The following APBA1 variants were observed in gnomAD, a reference collection of about 807,000 sequenced individuals.
APBA1 encodes amyloid-beta A4 precursor protein-binding family A member 1.
APBA1 carries 55 observed loss-of-function variants against 86.6 expected under a neutral mutation model. The ratio of observed to expected loss-of-function variants is 0.64; its 90% CI spans 0.51 to 0.80. APBA1 has a LOEUF of 0.80. Among genes scored for constraint, APBA1 ranks in the 30% least tolerant of loss-of-function variants. The pLI, the probability that APBA1 is intolerant of heterozygous loss-of-function variation, is 0.00. For synonymous variants in APBA1, 511 were observed against 493.9 expected (o/e 1.03, Z -0.46); for missense variants, 1,090 against 1,183.0 (o/e 0.92, Z 1.15).
intron 1 of APBA1, among the ~76,000 whole-genome samples, chr9:69,523,893 A>T (rs1247356624): frequency 6.6e-6 from 1 of 152,156 alleles, no homozygotes; most frequent in Non-Finnish European, 1.5e-5. Context: ...ATATTCTTGG[A>T]TCACAATGGA....
At chr9:69,514,380 TAGG>T (rs1310092199) in intron 2 of APBA1, among the ~76,000 whole-genome samples, 1 of 151,520 alleles carries the variant, frequency 6.6e-6, no homozygotes, top group Admixed American at 6.6e-5. Context: ...CACCTGAGGT[TAGG>T]AGTTCAAGCC....
intron 10 of APBA1, among the ~76,000 whole-genome samples, chr9:69,444,938 C>T (rs577878054): frequency 5.9e-5 from 9 of 152,312 alleles, no homozygotes; most frequent in Non-Finnish European, 8.8e-5. Flanking sequence ...CCTTTTCTCT[C>T]TAATCACACA....
chr9:69,569,460 T>A (rs990832749), intron 1 of APBA1, among the ~76,000 whole-genome samples: 2 of 144,026 alleles, frequency 1.4e-5, no homozygotes, highest in Non-Finnish European at 3.0e-5. Flanking sequence ...TGTGTGTGTG[T>A]GTGTGTGTGT....
chr9:69,607,191 G>T (rs1460711225), intron 1 of APBA1, among the ~76,000 whole-genome samples: 1 of 152,126 alleles, frequency 6.6e-6, no homozygotes, highest in East Asian at 1.9e-4. Flanking sequence ...AAAGGAAAGA[G>T]GTTTAATTGA....
intron 1 of APBA1, among the ~76,000 whole-genome samples, chr9:69,663,047 T>C (rs539485717): frequency 6.6e-6 from 1 of 152,258 alleles, no homozygotes; most frequent in Admixed American, 6.5e-5. Flanking sequence ...AATTATTTCA[T>C]ACTATAAGAA....
chr9:69,594,991 A>G (rs1226977324), intron 1 of APBA1, among the ~76,000 whole-genome samples: 1 of 152,234 alleles, frequency 6.6e-6, no homozygotes, highest in Non-Finnish European at 1.5e-5. Context: ...ATGTGGTATG[A>G]AGTACTTAAT....
chr9:69,482,727 TG>T (rs1343339824), intron 2 of APBA1, among the ~76,000 whole-genome samples: 1 of 151,874 alleles, frequency 6.6e-6, no homozygotes, highest in Non-Finnish European at 1.5e-5. Context: ...CCAACCCAAA[TG>T]TCCAACAAAT....
intron 1 of APBA1, among the ~76,000 whole-genome samples, chr9:69,565,920 G>A (rs114824390): frequency 0.014 from 2,074 of 152,204 alleles, 48 homozygotes; most frequent in African/African-American, 0.047. Context: ...TGGCGTCTAC[G>A]GCTCTCAGAG....
At chr9:69,534,260 C>T (rs1422450048) in intron 1 of APBA1, among the ~76,000 whole-genome samples, 1 of 152,034 alleles carries the variant, frequency 6.6e-6, no homozygotes, top group East Asian at 1.9e-4. Flanking sequence ...TTCCTGCCCA[C>T]CAAAAATTGA....
chr9:69,517,099 G>T lies in APBA1; in HGVS notation c.112C>A (p.Gln38Lys). Residue 38 changes from glutamine (Q) to lysine (K), a missense_variant, in exon 2 of 13, where the codon CAG (glutamine) becomes AAG (lysine). Coordinates refer to ENST00000265381, the MANE Select transcript of APBA1 (RefSeq NM_001163.4). ...TGCTGCTGCTGCGGCGGCTGCTGCTGTTCCTCTTCCACCTCGGGGTGCTCC... is the reference window on the plus strand; with the variant it reads ...TGCTGCTGCTGCGGCGGCTGCTGCTTTTCCTCTTCCACCTCGGGGTGCTCC... ...DLEHPEVEEE[Q>K]QQPPQQQHYV... The T allele has an allele frequency of 6.3e-7, 1 of 1,579,284 alleles. No homozygotes were observed. The highest frequency in any genetic ancestry group is 8.6e-7 in the Non-Finnish European group (1 of 1,166,892).
intron 1 of APBA1, among the ~76,000 whole-genome samples, chr9:69,540,321 T>C (rs1219907985): frequency 6.6e-6 from 1 of 152,206 alleles, no homozygotes; most frequent in Admixed American, 6.5e-5. Context: ...GTGTCTGGAA[T>C]AGTGTGTGAT....
intron 1 of APBA1, among the ~76,000 whole-genome samples, chr9:69,614,128 T>C (rs1822649418): frequency 6.6e-6 from 1 of 152,220 alleles, no homozygotes; most frequent in Admixed American, 6.5e-5. Flanking sequence ...TTTGAAGTTT[T>C]TGATTATCAC....
chr9:69,650,725 CA>C (rs1156670553), intron 1 of APBA1, among the ~76,000 whole-genome samples: 1 of 152,116 alleles, frequency 6.6e-6, no homozygotes, highest in Non-Finnish European at 1.5e-5. Context: ...AGCTGGACAA[CA>C]AAATCAGAAG....
intron 1 of APBA1, among the ~76,000 whole-genome samples, chr9:69,603,763 G>A (rs750619046): frequency 2.6e-5 from 4 of 152,200 alleles, no homozygotes; most frequent in Non-Finnish European, 5.9e-5. Context: ...AAATACTCTT[G>A]AGAGTGAAAG....
At chr9:69,486,567 G>T (rs558739521) in intron 2 of APBA1, among the ~76,000 whole-genome samples, 5 of 152,110 alleles carry the variant, frequency 3.3e-5, no homozygotes, top group Admixed American at 3.3e-4. Flanking sequence ...GTAGTGGTCA[G>T]TTCTGCAGGA....
At chr9:69,472,956 C>T (rs1299269249) in intron 3 of APBA1, among the ~76,000 whole-genome samples, 1 of 152,086 alleles carries the variant, frequency 6.6e-6, no homozygotes, top group Non-Finnish European at 1.5e-5. Flanking sequence ...TGTAAGACTC[C>T]AGCTCAATTC....
At chr9:69,446,980 C>A (rs1834920308) in intron 10 of APBA1, among the ~76,000 whole-genome samples, 1 of 152,228 alleles carries the variant, frequency 6.6e-6, no homozygotes, top group Non-Finnish European at 1.5e-5. Flanking sequence ...AAACAACAGG[C>A]ATTTATCCCT....
intron 1 of APBA1, among the ~76,000 whole-genome samples, chr9:69,519,614 T>C (rs566897542): frequency 4.3e-4 from 65 of 152,334 alleles, no homozygotes; most frequent in African/African-American, 1.5e-3. Flanking sequence ...CAGACTTTCT[T>C]GGGTTCTGTT....
chr9:69,632,021 C>A (rs1477422094), intron 1 of APBA1, among the ~76,000 whole-genome samples: 1 of 151,240 alleles, frequency 6.6e-6, no homozygotes, highest in Non-Finnish European at 1.5e-5. Flanking sequence ...ATGTTGTGCA[C>A]ATGTACCCTA....
Sources: allele counts gnomAD v4.1 joint callset (sites outside exome capture counted in the v4.1 genomes callset), GRCh38; gene constraint gnomAD v4.1.1; transcripts MANE v1.5; gene names NCBI Gene and HGNC (gene_info 2026-07-23, HGNC 2026-07-21).